Variants in CMTM8 observed in about 807,000 individuals in gnomAD.
The protein encoded by CMTM8 is CKLF like MARVEL transmembrane domain containing 8.
In CMTM8, 12 loss-of-function variants were observed where a neutral mutation model predicts 18.6. The observed-to-expected ratio is 0.65, with a 90% confidence interval of 0.41 to 1.05. The LOEUF (loss-of-function observed/expected upper bound fraction) is 1.05, where lower values mean the gene tolerates loss of function less well. Ranked by LOEUF, CMTM8 falls within the 50% of genes least tolerant of loss-of-function variation. The pLI, the probability that CMTM8 is intolerant of heterozygous loss-of-function variation, is 0.00. For synonymous variants in CMTM8, 87 were observed against 90.6 expected (o/e 0.96, Z 0.23); for missense variants, 217 against 227.2 (o/e 0.95, Z 0.29).
intron 1 of CMTM8, among the ~76,000 whole-genome samples, chr3:32,293,169 T>C (rs1384142661): frequency 1.3e-5 from 2 of 152,068 alleles, no homozygotes; most frequent in Non-Finnish European, 2.9e-5. Flanking sequence ...TTGGCGGCTA[T>C]GTAGCAGTCC....
intron 1 of CMTM8, among the ~76,000 whole-genome samples, chr3:32,248,922 C>T (rs1702078932): frequency 6.7e-6 from 1 of 150,284 alleles, no homozygotes; most frequent in South Asian, 2.1e-4. Context: ...TACTGGATTA[C>T]AGTCATGGCC....
intron 1 of CMTM8, among the ~76,000 whole-genome samples, chr3:32,320,581 T>G (rs1368559562): frequency 6.6e-6 from 1 of 152,226 alleles, no homozygotes; most frequent in East Asian, 1.9e-4. Flanking sequence ...TACACTAAAA[T>G]CTATTGTGTA....
intron 1 of CMTM8, among the ~76,000 whole-genome samples, chr3:32,311,105 A>G (rs1695812079): frequency 6.6e-6 from 1 of 152,226 alleles, no homozygotes; most frequent in Non-Finnish European, 1.5e-5. Context: ...TATATACGGT[A>G]TCGGGGATGG....
At chr3:32,329,506 C>T (rs557563195) in intron 1 of CMTM8, among the ~76,000 whole-genome samples, 45 of 152,166 alleles carry the variant, frequency 3.0e-4, no homozygotes, top group Middle Eastern at 3.4e-3. Flanking sequence ...ATTAATGGAA[C>T]GAAAGATAAA....
chr3:32,318,839 T>G (rs1695980988), intron 1 of CMTM8, among the ~76,000 whole-genome samples: 2 of 151,430 alleles, frequency 1.3e-5, no homozygotes, highest in Non-Finnish European at 2.9e-5. Context: ...AGTGCTGGGA[T>G]TACAGGCATG....
chr3:32,248,322 C>T (rs972853280), intron 1 of CMTM8, among the ~76,000 whole-genome samples: 1 of 152,058 alleles, frequency 6.6e-6, no homozygotes, highest in Non-Finnish European at 1.5e-5. Context: ...ATGGGATGTT[C>T]ATATTGCCTA....
intron 1 of CMTM8, among the ~76,000 whole-genome samples, chr3:32,311,695 C>A (rs956243550): frequency 6.6e-6 from 1 of 152,278 alleles, no homozygotes; most frequent in South Asian, 2.1e-4. Context: ...CTTTTTCCCC[C>A]CACACCAACC....
At chr3:32,255,518 TA>T (rs1457392134) in intron 1 of CMTM8, among the ~76,000 whole-genome samples, 1 of 152,220 alleles carries the variant, frequency 6.6e-6, no homozygotes, top group African/African-American at 2.4e-5. Flanking sequence ...CTTTTCATGT[TA>T]TTTTTTGTGT....
chr3:32,298,924 C>CATAT (rs1553604474), intron 1 of CMTM8, among the ~76,000 whole-genome samples: 4 of 86,572 alleles, frequency 4.6e-5, no homozygotes, highest in Non-Finnish European at 1.0e-4. Context: ...TACACACACA[C>CATAT]ATATATATAT....
At chr3:32,369,310 G>A (rs1016441115) in intron 3 of CMTM8, among the ~76,000 whole-genome samples, 5 of 152,050 alleles carry the variant, frequency 3.3e-5, no homozygotes, top group African/African-American at 7.2e-5. Flanking sequence ...GCGAAACTCC[G>A]TCTCGAAAAA....
At chr3:32,348,503 A>G (rs80097236) in intron 1 of CMTM8, among the ~76,000 whole-genome samples, 18,703 of 116,072 alleles carry the variant, frequency 0.16, 1,325 homozygotes, top group Middle Eastern at 0.25. Context: ...CTTTCCCTCC[A>G]TTTTCTTCAC....
intron 1 of CMTM8, among the ~76,000 whole-genome samples, chr3:32,266,686 A>G (rs1372776091): frequency 1.3e-5 from 2 of 152,222 alleles, no homozygotes; most frequent in African/African-American, 2.4e-5. Flanking sequence ...AGATGACATG[A>G]TTGTATATCT....
At chr3:32,315,941 C>G (rs889394268) in intron 1 of CMTM8, among the ~76,000 whole-genome samples, 1 of 148,446 alleles carries the variant, frequency 6.7e-6, no homozygotes, top group Non-Finnish European at 1.5e-5. Flanking sequence ...CTTGAAATAA[C>G]TAGACATCCT....
chr3:32,331,579 T>C (rs1696275789), intron 1 of CMTM8, among the ~76,000 whole-genome samples: 3 of 151,172 alleles, frequency 2.0e-5, no homozygotes, highest in African/African-American at 7.3e-5. Context: ...TTGAGATATT[T>C]GCACACTCAT....
chr3:32,317,146 C>T (rs1000231778), intron 1 of CMTM8, among the ~76,000 whole-genome samples: 6 of 152,274 alleles, frequency 3.9e-5, no homozygotes, highest in Admixed American at 3.3e-4. Flanking sequence ...ATCTGTGCTG[C>T]TTTCCTCTTC....
chr3:32,301,634 G>C (rs772022800), intron 1 of CMTM8, among the ~76,000 whole-genome samples: 1 of 151,884 alleles, frequency 6.6e-6, no homozygotes, highest in East Asian at 1.9e-4. Flanking sequence ...GACTCATCCC[G>C]GCATCGGTGA....
Position 32,246,282 on chromosome 3 carries a change from G to T in CMTM8, c.147+7163G>T, listed in dbSNP as rs1269728667. Among the ~76,000 whole-genome samples the T allele has an allele frequency of 7.2e-5, 11 of 152,124 alleles. 1 individual carries two copies. The highest frequency in any genetic ancestry group is 7.2e-4 in the Admixed American group (11 of 15,282). ...GATGTCCCACTGGCCGCATCTACTGGTGTCATCAGCATGAGGCTGTTGGGT... is the reference window on the plus strand; with the variant it reads ...GATGTCCCACTGGCCGCATCTACTGTTGTCATCAGCATGAGGCTGTTGGGT... On this transcript the variant is annotated intron_variant, in intron 1 of 3. Transcript: ENST00000307526.
chr3:32,256,763 A>G (rs1032824738), intron 1 of CMTM8, among the ~76,000 whole-genome samples: 1 of 152,202 alleles, frequency 6.6e-6, no homozygotes, highest in African/African-American at 2.4e-5. Context: ...TTAGGGAGAC[A>G]AAGTTCCTTC....
chr3:32,311,449 T>C (rs879273495), intron 1 of CMTM8, among the ~76,000 whole-genome samples: 10 of 152,316 alleles, frequency 6.6e-5, no homozygotes, highest in Admixed American at 6.5e-4. Context: ...TAGGAGAGAA[T>C]TGGTTCCCTT....
Sources: allele counts gnomAD v4.1 joint callset (sites outside exome capture counted in the v4.1 genomes callset), GRCh38; gene constraint gnomAD v4.1.1; transcripts MANE v1.5; gene names NCBI Gene and HGNC (gene_info 2026-07-23, HGNC 2026-07-21).